Variants in FGGY observed in about 807,000 individuals in gnomAD.
The protein encoded by FGGY is FGGY carbohydrate kinase domain containing.
A neutral mutation model predicts 71.3 loss-of-function variants in FGGY; 72 were observed. That is an observed-to-expected ratio of 1.01 (90% confidence interval 0.84 to 1.23). FGGY has a LOEUF of 1.23. Ranked by LOEUF, FGGY falls within the 50% of genes most tolerant of loss-of-function variation. The probability of loss-of-function intolerance (pLI) is 0.00; values close to 1 mark genes in which losing one functional copy is unlikely to be tolerated. For missense variants in FGGY, 668 were observed against 682.3 expected, an observed-to-expected ratio of 0.98 and a Z score of 0.23; for synonymous variants, 251 against 250.3, an observed-to-expected ratio of 1.00 and a Z score of -0.02.
chr1:59,612,678 T>G (rs1422557651), intron 9 of FGGY, among the ~76,000 whole-genome samples: 1 of 152,128 alleles, frequency 6.6e-6, no homozygotes, highest in African/African-American at 2.4e-5. Flanking sequence ...GGCTAAATGC[T>G]CCAATTGAAA....
In FGGY at chr1:59,512,309, A is replaced by G; in HGVS notation, c.671-2A>G. 1.2e-6 allele frequency: 2 copies of G among 1,605,854 alleles called. No individual in the cohort carries two copies. The highest frequency in any genetic ancestry group is 8.5e-7 in the Non-Finnish European group (1 of 1,175,558). On this transcript the variant is annotated splice_acceptor_variant, in intron 6 of 15. Transcript: ENST00000303721. LOFTEE classifies it high-confidence loss of function. ...TGTTTGTTTTTTCTCATGTCTACCCAGGAAACCAAGTGCTACCTCCTGGAG... is the reference window on the plus strand; with the variant it reads ...TGTTTGTTTTTTCTCATGTCTACCCGGGAAACCAAGTGCTACCTCCTGGAG...
chr1:59,744,398 T>C (rs1401692232), intron 14 of FGGY, among the ~76,000 whole-genome samples: 1 of 152,204 alleles, frequency 6.6e-6, no homozygotes, highest in Non-Finnish European at 1.5e-5. Flanking sequence ...TTTGTGTATT[T>C]TCAGTAGAGA....
At chr1:59,650,003 G>C (rs2097140977) in intron 11 of FGGY, among the ~76,000 whole-genome samples, 1 of 148,392 alleles carries the variant, frequency 6.7e-6, no homozygotes, top group Non-Finnish European at 1.5e-5. Flanking sequence ...CATCTGTTGA[G>C]ATAATCATGT....
intron 11 of FGGY, among the ~76,000 whole-genome samples, chr1:59,638,677 A>G (rs1223409196): frequency 1.3e-5 from 2 of 152,172 alleles, no homozygotes; most frequent in Admixed American, 6.5e-5. Context: ...ATCAGTTTGT[A>G]AAGTCAAATT....
chr1:59,747,314 A>G (rs2098207468), intron 14 of FGGY, among the ~76,000 whole-genome samples: 1 of 152,212 alleles, frequency 6.6e-6, no homozygotes, highest in African/African-American at 2.4e-5. Context: ...CAGCCAGGCC[A>G]TATATTAGGA....
intron 15 of FGGY, among the ~76,000 whole-genome samples, chr1:59,760,498 G>T (rs932870477): frequency 6.6e-6 from 1 of 152,190 alleles, no homozygotes; most frequent in African/African-American, 2.4e-5. Context: ...CTACATTCAT[G>T]TTCACAGCAA....
At chr1:59,478,920 A>G (rs1380975831) in intron 6 of FGGY, among the ~76,000 whole-genome samples, 1 of 152,174 alleles carries the variant, frequency 6.6e-6, no homozygotes, top group African/African-American at 2.4e-5. Context: ...AGGAAGGGAG[A>G]TAAGGACTGG....
At chr1:59,657,633 C>A (rs906884617) in intron 11 of FGGY, among the ~76,000 whole-genome samples, 1 of 152,204 alleles carries the variant, frequency 6.6e-6, no homozygotes, top group African/African-American at 2.4e-5. Context: ...ATGGTGCAGG[C>A]AGCTCACAGA....
rs1310134157 is a variant in FGGY at position 59,304,861 on chromosome 1, A to G, written c.-15+7711A>G. 3.3e-5 allele frequency among the ~76,000 whole-genome samples: 5 copies of G among 151,980 alleles called. No individual in the cohort carries two copies. In the East Asian group the frequency reaches 9.6e-4, roughly 29 times the overall value. ...GAGATTGTTAATTTCTTTTTGGGGTAGTTCATTGTTAGTGAATAGAAATGC... is the reference window on the plus strand; with the variant it reads ...GAGATTGTTAATTTCTTTTTGGGGTGGTTCATTGTTAGTGAATAGAAATGC... On this transcript the variant is annotated intron_variant, in intron 1 of 15. Coordinates refer to ENST00000303721, the MANE Select transcript of FGGY (RefSeq NM_018291.5).
chr1:59,416,037 T>G (rs76546697), intron 5 of FGGY, among the ~76,000 whole-genome samples: 12,422 of 152,264 alleles, frequency 0.082, 602 homozygotes, highest in African/African-American at 0.12. Flanking sequence ...GTGTGGCCAA[T>G]AGGGTAGGAT....
At chr1:59,552,072 A>G (rs1205946192) in intron 7 of FGGY, among the ~76,000 whole-genome samples, 1 of 152,180 alleles carries the variant, frequency 6.6e-6, no homozygotes, top group Non-Finnish European at 1.5e-5. Context: ...AGCAGCTACC[A>G]TCCCCAGGCT....
At chr1:59,414,550 A>G (rs1044325066) in intron 5 of FGGY, among the ~76,000 whole-genome samples, 1 of 152,156 alleles carries the variant, frequency 6.6e-6, no homozygotes, top group East Asian at 1.9e-4. Flanking sequence ...TCTGTTTGTC[A>G]GTGTATCAGC....
chr1:59,655,873 T>C (rs2097213564), intron 11 of FGGY, among the ~76,000 whole-genome samples: 1 of 152,198 alleles, frequency 6.6e-6, no homozygotes, highest in Non-Finnish European at 1.5e-5. Flanking sequence ...ATTCATATAG[T>C]GTCATGCAGC....
intron 4 of FGGY, among the ~76,000 whole-genome samples, chr1:59,371,756 A>ACTCAAAACTG (rs1268498365): frequency 6.6e-6 from 1 of 152,120 alleles, no homozygotes; most frequent in Non-Finnish European, 1.5e-5. Flanking sequence ...TAAGAAACTC[A>ACTCAAAACTG]CTCAAAACTG....
chr1:59,437,339 G>A (rs2068689125), intron 5 of FGGY, among the ~76,000 whole-genome samples: 1 of 152,186 alleles, frequency 6.6e-6, no homozygotes, highest in Admixed American at 6.5e-5. Flanking sequence ...GCCCTATAAC[G>A]ACAGTAACAA....
chr1:59,482,929 C>G (rs1192623565), intron 6 of FGGY, among the ~76,000 whole-genome samples: 2 of 152,058 alleles, frequency 1.3e-5, no homozygotes, highest in African/African-American at 4.8e-5. Context: ...ATTCTCAAAC[C>G]AGAGCATACG....
chr1:59,517,757 CT>C (rs1201099282), intron 7 of FGGY, among the ~76,000 whole-genome samples: 2 of 151,298 alleles, frequency 1.3e-5, no homozygotes, highest in African/African-American at 4.8e-5. Context: ...CTGCAGAGTG[CT>C]TTACATATGG....
intron 8 of FGGY, among the ~76,000 whole-genome samples, chr1:59,587,929 G>A (rs553575595): frequency 3.3e-5 from 5 of 152,306 alleles, no homozygotes; most frequent in Admixed American, 2.0e-4. Flanking sequence ...CACCAGCAAT[G>A]GAACAAAGCT....
intron 7 of FGGY, among the ~76,000 whole-genome samples, chr1:59,524,386 C>G (rs186286035): frequency 1.3e-5 from 2 of 152,302 alleles, no homozygotes; most frequent in Admixed American, 6.5e-5. Flanking sequence ...AGGAGCGGGT[C>G]CCTGGCGAAA....
Sources: gnomAD v4.1 joint callset for allele counts (sites outside exome capture counted in the v4.1 genomes callset) on GRCh38, gnomAD v4.1.1 for gene constraint, MANE v1.5 for transcripts, NCBI Gene and HGNC (gene_info 2026-07-23, HGNC 2026-07-21) for gene names.